Variants in MAP3K13 observed in about 807,000 individuals in gnomAD.
MAP3K13 encodes the protein leucine zipper-bearing kinase.
A neutral mutation model predicts 104.0 loss-of-function variants in MAP3K13; 52 were observed. The ratio of observed to expected loss-of-function variants is 0.50; its 90% CI spans 0.40 to 0.63. The LOEUF is 0.63. Among genes scored for constraint, MAP3K13 ranks in the 20% least tolerant of loss-of-function variants. The probability of loss-of-function intolerance (pLI) is 0.00; values close to 1 mark genes in which losing one functional copy is unlikely to be tolerated. For synonymous variants in MAP3K13, 394 were observed against 442.2 expected (o/e 0.89, Z 1.37); for missense variants, 914 against 1,218.5 (o/e 0.75, Z 3.72).
chr3:185,312,214 A>G (rs1721517953), intron 2 of MAP3K13, among the ~76,000 whole-genome samples: 1 of 152,216 alleles, frequency 6.6e-6, no homozygotes, highest in Non-Finnish European at 1.5e-5. Context: ...TTACTTGTAT[A>G]CTTCTGACTG....
chr3:185,377,779 C>T (rs1406710300), intron 1 of MAP3K13, among the ~76,000 whole-genome samples: 6 of 152,178 alleles, frequency 3.9e-5, no homozygotes, highest in East Asian at 1.9e-4. Context: ...AGGAGGCTTC[C>T]GAGGCGATCG....
At chr3:185,311,805 A>G (rs1721503587) in intron 2 of MAP3K13, among the ~76,000 whole-genome samples, 1 of 152,230 alleles carries the variant, frequency 6.6e-6, no homozygotes, top group Non-Finnish European at 1.5e-5. Flanking sequence ...AATCTACAAA[A>G]ATGTTCATTG....
At chr3:185,455,858 TATATATGAGATATAGATGAG>T (rs1370195198) in intron 7 of MAP3K13, among the ~76,000 whole-genome samples, 25 of 77,764 alleles carry the variant, frequency 3.2e-4, no homozygotes, top group Admixed American at 4.9e-4. Flanking sequence ...ATATATGAGA[TATATATGAGATATAGATGAG>T]ATATATGATA....
intron 2 of MAP3K13, among the ~76,000 whole-genome samples, chr3:185,311,812 A>G (rs1030321320): frequency 3.3e-5 from 5 of 152,230 alleles, no homozygotes; most frequent in East Asian, 3.8e-4. Context: ...AAAAATGTTC[A>G]TTGCATTACT....
chr3:185,291,811 C>T, intron 2 of MAP3K13: 10 of 1,309,122 alleles, frequency 7.6e-6, no homozygotes, highest in Non-Finnish European at 9.7e-6. Context: ...TTTTATATCC[C>T]TTCCTCTGAC....
At chr3:185,353,723 C>T (rs928248854) in intron 2 of MAP3K13, among the ~76,000 whole-genome samples, 2 of 152,170 alleles carry the variant, frequency 1.3e-5, no homozygotes, top group Non-Finnish European at 2.9e-5. Context: ...ACTTGCTGTA[C>T]TCACACACTG....
chr3:185,325,723 C>A (rs1280843934), intron 2 of MAP3K13, among the ~76,000 whole-genome samples: 1 of 152,200 alleles, frequency 6.6e-6, no homozygotes, highest in Non-Finnish European at 1.5e-5. Flanking sequence ...TTGTCAATCA[C>A]ATTCTGTCCT....
chr3:185,375,082 C>T (rs1270381003), intron 1 of MAP3K13, among the ~76,000 whole-genome samples: 1 of 152,036 alleles, frequency 6.6e-6, no homozygotes, highest in African/African-American at 2.4e-5. Context: ...TGAGAAACTG[C>T]TTGGGTGATT....
In MAP3K13 at chr3:185,443,506, C is replaced by G. The variant is rs375457810; in HGVS notation, c.721C>G (p.Leu241Val). Residue 241 changes from leucine to valine, a missense_variant, in exon 4 of 14, where the codon CTC becomes GTC. Transcript: ENST00000265026. ...IIMEYCAHGQLYEVLRAGRKI... is the reference protein window; with the variant it reads ...IIMEYCAHGQVYEVLRAGRKI... Reference sequence around the variant, plus strand: ...CATGGAATACTGTGCCCATGGACAACTCTACGAGGTCTTACGAGCTGGCAG... The same window carrying G: ...CATGGAATACTGTGCCCATGGACAAGTCTACGAGGTCTTACGAGCTGGCAG... The G allele has an allele frequency of 6.2e-7, 1 of 1,614,144 alleles. No individual in the cohort carries two copies. The highest frequency in any genetic ancestry group is 1.3e-5 in the African/African-American group (1 of 75,048).
At chr3:185,355,391 C>A (rs533186073) in intron 2 of MAP3K13, among the ~76,000 whole-genome samples, 2 of 151,200 alleles carry the variant, frequency 1.3e-5, no homozygotes, top group South Asian at 4.2e-4. Flanking sequence ...CACTTGAACC[C>A]GAGAGGCGGA....
chr3:185,364,895 T>C (rs1181804918), intron 1 of MAP3K13, among the ~76,000 whole-genome samples: 2 of 152,216 alleles, frequency 1.3e-5, no homozygotes, highest in Admixed American at 1.3e-4. Flanking sequence ...TTCAGCATTT[T>C]CCTTTTTTGT....
chr3:185,358,102 A>T (rs1047587991), intron 2 of MAP3K13, among the ~76,000 whole-genome samples: 2 of 152,232 alleles, frequency 1.3e-5, no homozygotes, highest in African/African-American at 4.8e-5. Flanking sequence ...TGTATATAAT[A>T]AGGTTAACCA....
At chr3:185,392,571 T>C (rs919430958) in intron 1 of MAP3K13, among the ~76,000 whole-genome samples, 15 of 152,206 alleles carry the variant, frequency 9.9e-5, no homozygotes, top group African/African-American at 3.6e-4. Flanking sequence ...TGCAGGTCAA[T>C]GTCACACATG....
rs1718700371 is a variant in MAP3K13, at chr3:185,486,028, G to A, written c.*3572G>A. The A allele has an allele frequency of 6.6e-6, 1 of 152,200 alleles. No individual in the cohort carries two copies. The highest frequency in any genetic ancestry group is 1.5e-5 in the Non-Finnish European group (1 of 68,038). The allele number at this position is 152,200 out of a possible 1,614,324, so 9.4% of individuals were successfully genotyped here. A position where few individuals can be genotyped will look rare whatever the true frequency, so the allele number is the denominator to read the frequency against. On this transcript the variant is annotated 3_prime_UTR_variant, in exon 14 of 14. Coordinates refer to ENST00000265026, the MANE Select transcript of MAP3K13 (RefSeq NM_004721.5). ...CTGGTTCATTATTCCTTGGAACAGA[G>A]ATGCTACAACTCTATGTCTTCTTTC...
intron 8 of MAP3K13, among the ~76,000 whole-genome samples, chr3:185,465,217 C>T (rs1717343019): frequency 6.6e-6 from 1 of 152,134 alleles, no homozygotes. Flanking sequence ...ACCTCGTGAT[C>T]CACCTGCCTC....
chr3:185,334,055 AAAAG>A (rs1265042671), intron 2 of MAP3K13, among the ~76,000 whole-genome samples: 2 of 152,194 alleles, frequency 1.3e-5, no homozygotes, highest in Non-Finnish European at 2.9e-5. Context: ...CCCTGTCTCA[AAAAG>A]AAAGAAAGAA....
intron 2 of MAP3K13, among the ~76,000 whole-genome samples, chr3:185,303,832 A>AT (rs1721190572): frequency 6.6e-6 from 1 of 150,498 alleles, no homozygotes. Context: ...TTTATGTTCT[A>AT]TTTTTTATTA....
chr3:185,405,759 G>T (rs1713079955), intron 1 of MAP3K13, among the ~76,000 whole-genome samples: 1 of 152,170 alleles, frequency 6.6e-6, no homozygotes, highest in Non-Finnish European at 1.5e-5. Flanking sequence ...GTGCTTGAAG[G>T]CTAAAGTCTG....
At chr3:185,400,904 TG>T (rs528188316) in intron 1 of MAP3K13, among the ~76,000 whole-genome samples, 197 of 75,160 alleles carry the variant, frequency 2.6e-3, no homozygotes, top group African/African-American at 7.5e-3. Flanking sequence ...GGTGTTTGTT[TG>T]TTTTTTTTTT....
Sources: allele counts gnomAD v4.1 joint callset (sites outside exome capture counted in the v4.1 genomes callset), GRCh38; gene constraint gnomAD v4.1.1; transcripts MANE v1.5; gene names NCBI Gene and HGNC (gene_info 2026-07-23, HGNC 2026-07-21).